DPP10: variants seen among roughly 807,000 people sequenced by gnomAD.
The protein encoded by DPP10 is inactive dipeptidyl peptidase 10.
DPP10 carries 33 observed loss-of-function variants against 120.9 expected under a neutral mutation model. That is an observed-to-expected ratio of 0.27 (90% CI 0.21 to 0.37). The LOEUF is 0.37. Among genes scored for constraint, DPP10 ranks in the 10% least tolerant of loss-of-function variants. The probability of loss-of-function intolerance (pLI) is 1.00; values close to 1 mark genes in which losing one functional copy is unlikely to be tolerated. For synonymous variants in DPP10, 337 were observed against 326.1 expected (o/e 1.03, Z -0.36); for missense variants, 816 against 942.8 (o/e 0.87, Z 1.76).
chr2:115,688,140 A>G (rs7575094), intron 5 of DPP10, among the ~76,000 whole-genome samples: 96,813 of 151,946 alleles, frequency 0.64, 32,870 homozygotes, highest in East Asian at 0.92. Flanking sequence ...GTAAGTATGG[A>G]ACTTTATAGA....
At chr2:114,907,712 T>C (rs1193117964) in intron 1 of DPP10, among the ~76,000 whole-genome samples, 2 of 152,146 alleles carry the variant, frequency 1.3e-5, no homozygotes, top group African/African-American at 2.4e-5. Context: ...TGACAGCACA[T>C]ATGTTCTATT....
At chr2:115,376,500 G>A (rs997186720) in intron 3 of DPP10, among the ~76,000 whole-genome samples, 6 of 151,006 alleles carry the variant, frequency 4.0e-5, no homozygotes, top group Non-Finnish European at 5.9e-5. Flanking sequence ...AATTTCACCA[G>A]TGGACACTTG....
intron 1 of DPP10, among the ~76,000 whole-genome samples, chr2:115,261,010 G>C (rs914872239): frequency 2.0e-5 from 3 of 152,070 alleles, no homozygotes; most frequent in Non-Finnish European, 4.4e-5. Flanking sequence ...AAGTGGAACA[G>C]TGGAAAATAC....
chr2:115,614,667 C>T (rs754058310), intron 5 of DPP10, among the ~76,000 whole-genome samples: 8 of 152,116 alleles, frequency 5.3e-5, no homozygotes, highest in Non-Finnish European at 1.0e-4. Context: ...TCAGGTGATC[C>T]TCCCACCTCG....
chr2:114,920,493 C>G (rs1695123039), intron 1 of DPP10, among the ~76,000 whole-genome samples: 1 of 152,278 alleles, frequency 6.6e-6, no homozygotes, highest in East Asian at 1.9e-4. Context: ...ATCTTTCAGA[C>G]CTCTTCAGTT....
chr2:115,395,938 G>A (rs1331391162), intron 3 of DPP10, among the ~76,000 whole-genome samples: 1 of 151,994 alleles, frequency 6.6e-6, no homozygotes, highest in Non-Finnish European at 1.5e-5. Context: ...GATTCAATTT[G>A]ATTCAATTTC....
chr2:115,840,319 G>GTTTTTTTTT lies in DPP10; in HGVS notation c.2183-417_2183-409dup, dbSNP rs1310199623. Among the ~76,000 whole-genome samples the GTTTTTTTTT allele has an allele frequency of 2.8e-3, 225 of 79,524 alleles. 60 individuals are homozygous for GTTTTTTTTT. The highest frequency in any genetic ancestry group is 5.0e-3 in the African/African-American group (108 of 21,700). 52.2% of individuals were successfully genotyped at this position (79,524 alleles called of 152,430 possible). ...CTAAAGCCAGATATAAGGTTTTTTG[G>GTTTTTTTTT]TTTTTTTTTTTTTTTTTTTTTTGAG... On this transcript the variant is annotated intron_variant, in intron 24 of 25. Coordinates refer to ENST00000410059, the MANE Select transcript of DPP10 (RefSeq NM_020868.6).
intron 3 of DPP10, among the ~76,000 whole-genome samples, chr2:115,362,518 G>GT (rs1175843385): frequency 6.6e-6 from 1 of 152,028 alleles, no homozygotes; most frequent in Non-Finnish European, 1.5e-5. Context: ...GGCAGGTGAC[G>GT]TTTTCCAACT....
chr2:114,834,808 T>A (rs1436638179), intron 1 of DPP10, among the ~76,000 whole-genome samples: 10 of 145,016 alleles, frequency 6.9e-5, no homozygotes, highest in African/African-American at 2.2e-4. Context: ...TATGTATATA[T>A]AAGCCATGTC....
At chr2:115,526,299 A>G in intron 5 of DPP10, 1 of 223,512 alleles carries the variant, frequency 4.5e-6, no homozygotes, top group South Asian at 8.4e-5. Flanking sequence ...CATATACTTG[A>G]GTGTTTCATG....
intron 1 of DPP10, among the ~76,000 whole-genome samples, chr2:115,180,834 A>G (rs1359699330): frequency 1.3e-5 from 2 of 152,166 alleles, no homozygotes. Context: ...CATGGAGGTA[A>G]CTATTTATAA....
chr2:114,983,379 A>G (rs1233877434), intron 1 of DPP10, among the ~76,000 whole-genome samples: 2 of 152,234 alleles, frequency 1.3e-5, no homozygotes, highest in African/African-American at 4.8e-5. Context: ...ATATTGAATT[A>G]AAATCATAAA....
At chr2:115,066,158 G>C (rs1281329362) in intron 1 of DPP10, among the ~76,000 whole-genome samples, 1 of 152,016 alleles carries the variant, frequency 6.6e-6, no homozygotes, top group African/African-American at 2.4e-5. Flanking sequence ...GTCTTATCTA[G>C]AAAAGACATT....
At chr2:114,453,552 T>C (rs1678402098) in intron 1 of DPP10, among the ~76,000 whole-genome samples, 1 of 152,134 alleles carries the variant, frequency 6.6e-6, no homozygotes, top group African/African-American at 2.4e-5. Context: ...GGATTTGAAG[T>C]TCTTATACCT....
intron 1 of DPP10, among the ~76,000 whole-genome samples, chr2:114,455,156 T>TGTGTGTG (rs1553443771): frequency 4.1e-5 from 6 of 147,392 alleles, no homozygotes; most frequent in Non-Finnish European, 9.0e-5. Flanking sequence ...TTTCTTTCTA[T>TGTGTGTG]TGTGTGTGTG....
At chr2:115,191,696 C>T (rs995374466) in intron 1 of DPP10, among the ~76,000 whole-genome samples, 14 of 152,162 alleles carry the variant, frequency 9.2e-5, no homozygotes, top group Non-Finnish European at 1.3e-4. Flanking sequence ...TTCTGGTGTC[C>T]GGACTGTGGT....
At chr2:115,249,919 T>C (rs1050761649) in intron 1 of DPP10, among the ~76,000 whole-genome samples, 1 of 152,188 alleles carries the variant, frequency 6.6e-6, no homozygotes, top group Non-Finnish European at 1.5e-5. Context: ...AATTGCTTTG[T>C]ATTTATTGAA....
At chr2:115,261,881 A>T (rs2059266413) in intron 1 of DPP10, among the ~76,000 whole-genome samples, 1 of 152,224 alleles carries the variant, frequency 6.6e-6, no homozygotes, top group African/African-American at 2.4e-5. Flanking sequence ...TTTGCTAGAC[A>T]GCTACTAACA....
At chr2:114,688,639 T>C (rs1431578442) in intron 1 of DPP10, among the ~76,000 whole-genome samples, 11 of 151,988 alleles carry the variant, frequency 7.2e-5, no homozygotes, top group Admixed American at 7.2e-4. Flanking sequence ...ATTCTGGAAA[T>C]GCGGAAGAAA....
Sources: gnomAD v4.1 joint callset for allele counts (sites outside exome capture counted in the v4.1 genomes callset) on GRCh38, gnomAD v4.1.1 for gene constraint, MANE v1.5 for transcripts, NCBI Gene and HGNC (gene_info 2026-07-23, HGNC 2026-07-21) for gene names.